The following SAMD12 variants were observed in gnomAD, a reference collection of about 807,000 sequenced individuals.
SAMD12 encodes sterile alpha motif domain-containing protein 12.
Under a neutral mutation model 15.0 loss-of-function variants are expected in SAMD12, and 9 were observed. The ratio of observed to expected loss-of-function variants is 0.60; its 90% CI spans 0.36 to 1.05. The LOEUF is 1.05. SAMD12 is among the 50% of genes least tolerant of loss of function. The probability of loss-of-function intolerance (pLI) is 0.01; values close to 1 mark genes in which losing one functional copy is unlikely to be tolerated. For missense variants in SAMD12, 230 were observed against 234.2 expected, an observed-to-expected ratio of 0.98 and a Z score of 0.12; for synonymous variants, 86 against 90.1, an observed-to-expected ratio of 0.96 and a Z score of 0.25.
intron 2 of SAMD12, among the ~76,000 whole-genome samples, chr8:118,534,814 C>A (rs181840202): frequency 2.4e-4 from 37 of 152,302 alleles, no homozygotes; most frequent in African/African-American, 8.2e-4. Flanking sequence ...AAGCTCTTCT[C>A]TATGCCGTTT....
intron 4 of SAMD12, among the ~76,000 whole-genome samples, chr8:118,298,387 C>A (rs1275657787): frequency 6.6e-6 from 1 of 152,126 alleles, no homozygotes; most frequent in Admixed American, 6.5e-5. Context: ...ATGTTATGAA[C>A]ATGCACTACC....
chr8:118,546,778 G>A (rs181818933), intron 2 of SAMD12, among the ~76,000 whole-genome samples: 5 of 152,254 alleles, frequency 3.3e-5, no homozygotes, highest in Admixed American at 2.0e-4. Context: ...GCAATATGGG[G>A]TGGGACAGAA....
intron 3 of SAMD12, among the ~76,000 whole-genome samples, chr8:118,436,944 A>G (rs1166136584): frequency 6.6e-6 from 1 of 152,198 alleles, no homozygotes; most frequent in Non-Finnish European, 1.5e-5. Flanking sequence ...CCATGCACCC[A>G]GCAACCTTTA....
At chr8:118,573,518 G>C (rs1193078567) in intron 2 of SAMD12, among the ~76,000 whole-genome samples, 4 of 152,198 alleles carry the variant, frequency 2.6e-5, no homozygotes, top group Non-Finnish European at 4.4e-5. Context: ...CTTTCACAAT[G>C]AATCTAAGTG....
chr8:118,175,042 A>C, the SAMD12 span, among the ~76,000 whole-genome samples: 23 of 146,908 alleles, frequency 1.6e-4, no homozygotes, highest in Non-Finnish European at 1.9e-4. Flanking sequence ...AACAAAAAAA[A>C]AAAAACAAAA....
chr8:118,533,644 A>T (rs1322824077), intron 2 of SAMD12, among the ~76,000 whole-genome samples: 1 of 152,192 alleles, frequency 6.6e-6, no homozygotes, highest in Non-Finnish European at 1.5e-5. Context: ...TGCATATATA[A>T]TTAGGATAGT....
At chr8:118,322,268 T>A (rs1816324139) in intron 4 of SAMD12, among the ~76,000 whole-genome samples, 1 of 152,256 alleles carries the variant, frequency 6.6e-6, no homozygotes. Flanking sequence ...GATCATTTTA[T>A]TGGTTCTTAT....
Position 118,255,609 on chromosome 8 carries a change from G to GT in SAMD12, c.434-57878dup, listed in dbSNP as rs1165401700. On this transcript the variant is annotated intron_variant, in intron 4 of 4. Transcript: ENST00000409003. ...TATGAGTGAGAACATGTGGTGTTTGGTTTTTTGTCCTTGCGATAGTTTACT... is the reference window on the plus strand; with the variant it reads ...TATGAGTGAGAACATGTGGTGTTTGGTTTTTTTGTCCTTGCGATAGTTTACT... Among the ~76,000 whole-genome samples the GT allele has an allele frequency of 4.7e-5, 7 of 147,992 alleles. No homozygotes were observed. The East Asian group carries it at 1.0e-3, about 21-fold the overall frequency.
chr8:118,321,969 C>T (rs1026277102), intron 4 of SAMD12, among the ~76,000 whole-genome samples: 2 of 152,178 alleles, frequency 1.3e-5, no homozygotes, highest in Non-Finnish European at 2.9e-5. Flanking sequence ...CAATGTGCCA[C>T]ATTCTTCTTC....
intron 2 of SAMD12, among the ~76,000 whole-genome samples, chr8:118,578,886 G>C (rs1827217160): frequency 6.6e-6 from 1 of 152,150 alleles, no homozygotes; most frequent in Non-Finnish European, 1.5e-5. Flanking sequence ...TGTTGGGGAT[G>C]GGTGTTCACT....
intron 4 of SAMD12, among the ~76,000 whole-genome samples, chr8:118,218,231 C>T (rs1026000423): frequency 2.7e-4 from 41 of 152,142 alleles, no homozygotes; most frequent in African/African-American, 9.7e-4. Flanking sequence ...ACTCAGATCA[C>T]ACTTTACTAT....
chr8:118,281,293 C>T (rs144511099), intron 4 of SAMD12, among the ~76,000 whole-genome samples: 14 of 152,254 alleles, frequency 9.2e-5, no homozygotes, highest in East Asian at 3.9e-4. Flanking sequence ...CAGAACCCAG[C>T]GCTCTTTGAA....
At chr8:118,200,352 C>T (rs1259604034) in intron 4 of SAMD12, among the ~76,000 whole-genome samples, 3 of 146,832 alleles carry the variant, frequency 2.0e-5, no homozygotes, top group Non-Finnish European at 3.0e-5. Context: ...AGTAGGCTTC[C>T]GTGTTTATCC....
At chr8:118,241,982 C>G (rs1812578557) in intron 4 of SAMD12, among the ~76,000 whole-genome samples, 1 of 152,118 alleles carries the variant, frequency 6.6e-6, no homozygotes, top group Non-Finnish European at 1.5e-5. Flanking sequence ...CACAATCATG[C>G]CTCACCGAAG....
At chr8:118,296,268 G>A (rs1176945912) in intron 4 of SAMD12, among the ~76,000 whole-genome samples, 4 of 152,076 alleles carry the variant, frequency 2.6e-5, no homozygotes, top group Admixed American at 1.3e-4. Context: ...CCCTCTCTGT[G>A]ATGCCCTACA....
At chr8:118,372,988 G>T (rs1404197220), downstream of SAMD12, among the ~76,000 whole-genome samples, 1 of 152,056 alleles carries the variant, frequency 6.6e-6, no homozygotes, top group African/African-American at 2.4e-5. Context: ...AGGTTGCCAG[G>T]GGCTGGTAGT....
chr8:118,284,639 A>G (rs2130188427), intron 4 of SAMD12: 1 of 229,608 alleles, frequency 4.4e-6, no homozygotes, highest in Non-Finnish European at 8.7e-6. Flanking sequence ...GCTACAGGAG[A>G]ATCTTAAAGA....
At chr8:118,332,538 A>G (rs1420501864) in intron 4 of SAMD12, among the ~76,000 whole-genome samples, 1 of 152,166 alleles carries the variant, frequency 6.6e-6, no homozygotes, top group African/African-American at 2.4e-5. Context: ...AATTGTGCTC[A>G]TCCCTGCTTT....
intron 3 of SAMD12, among the ~76,000 whole-genome samples, chr8:118,413,270 A>T (rs898197206): frequency 2.6e-4 from 39 of 152,176 alleles, no homozygotes; most frequent in Middle Eastern, 3.2e-3. Flanking sequence ...TGTGTTATGT[A>T]CCATTTCAGT....
Sources: gnomAD v4.1 joint callset for allele counts (sites outside exome capture counted in the v4.1 genomes callset) on GRCh38, gnomAD v4.1.1 for gene constraint, MANE v1.5 for transcripts, NCBI Gene and HGNC (gene_info 2026-07-23, HGNC 2026-07-21) for gene names.